The following IL9 variants were observed in gnomAD, a reference collection of about 807,000 sequenced individuals.
IL9 encodes the protein interleukin 9.
A neutral mutation model predicts 12.9 loss-of-function variants in IL9; 16 were observed. The ratio of observed to expected loss-of-function variants is 1.24; its 90% CI spans 0.84 to 1.88. The LOEUF (loss-of-function observed/expected upper bound fraction) is 1.88, where lower values mean the gene tolerates loss of function less well. Ranked by LOEUF, IL9 falls within the 40% of genes most tolerant of loss-of-function variation. The probability of loss-of-function intolerance (pLI) is 0.00; values close to 1 mark genes in which losing one functional copy is unlikely to be tolerated. For synonymous variants in IL9, 69 were observed against 63.8 expected (o/e 1.08, Z -0.39); for missense variants, 170 against 173.1 (o/e 0.98, Z 0.10).
rs148950143 is a variant in IL9 at position 135,893,627 on chromosome 5, C to T, written c.315+393G>A. Among the ~76,000 whole-genome samples, 599 of 152,132 alleles carry T rather than the reference C, an allele frequency of 3.9e-3. 8 individuals are homozygous for T. Among genetic ancestry groups the T allele is most frequent in the Admixed American group, 7.6e-3 (117 of 15,298 alleles). On this transcript the variant is annotated intron_variant, in intron 4 of 4. Transcript: ENST00000274520. ...ACTCTGTCTCCAAAACAAAACAAAA[C>T]CTCCTTAACCAACAGGAAAAAAAAA... is the stretch of plus-strand genomic sequence containing the variant.
chr5:135,892,765 CA>C, intron 4 of IL9, among the ~76,000 whole-genome samples: 1 of 138,596 alleles, frequency 7.2e-6, no homozygotes, highest in African/African-American at 2.6e-5. Context: ...CACACACACA[CA>C]CACACACACA....
Position 135,895,685 on chromosome 5 carries a change from G to T in IL9, c.114+18C>A. 6.2e-7 allele frequency: 1 copy of T among 1,606,668 alleles called. No individual in the cohort carries two copies. The highest frequency in any genetic ancestry group is 8.5e-7 in the Non-Finnish European group (1 of 1,173,222). The stretch of plus-strand genomic sequence containing the variant: ...TTGTCAGTAGCTGTCTTTCCCATGG[G>T]CTCCCCCTGCAGCCTACCTGCATCT... On this transcript the variant is annotated intron_variant, in intron 1 of 4. Coordinates refer to ENST00000274520, the MANE Select transcript of IL9 (RefSeq NM_000590.2).
chr5:135,892,644 C>T, intron 4 of IL9, 134 bp from the exon 5 acceptor site: 2 of 940,364 alleles, frequency 2.1e-6, no homozygotes, highest in Non-Finnish European at 3.1e-6. Context: ...GCTTGAGACA[C>T]AGAGCAAATA....
intron 3 of IL9, 54 bp downstream of exon 3, chr5:135,895,386 A>G (rs2126855898): frequency 2.0e-6 from 3 of 1,485,378 alleles, no homozygotes; most frequent in Non-Finnish European, 2.8e-6. Context: ...ATTTTTACTT[A>G]AAAACAAACC....
Position 135,895,799 on chromosome 5 carries a change from G to T in IL9, c.18C>A (p.Val6=). 2 of 1,613,494 alleles carry T rather than the reference G, an allele frequency of 1.2e-6. No individual in the cohort carries two copies. Among genetic ancestry groups the T allele is most frequent in the South Asian group, 2.2e-5 (2 of 90,972 alleles). Residue 6 remains valine (V), a synonymous_variant, in exon 1 of 5, where the codon GTC becomes GTA. Transcript: ENST00000274520. ...AGCACAGGAGCAGGGCAGAGGTAAGGACCATGGCCAGAAGCATCTTGACAG... is the reference window on the plus strand; with the variant it reads ...AGCACAGGAGCAGGGCAGAGGTAAGTACCATGGCCAGAAGCATCTTGACAG... MLLAM[V]LTSALLLCSV...
rs1313214939 is a variant in IL9 at position 135,895,433 on chromosome 5, T to C, written c.183+7A>G. 1.2e-6 allele frequency: 2 copies of C among 1,611,464 alleles called. No individual in the cohort carries two copies. The highest frequency in any genetic ancestry group is 4.5e-5 in the East Asian group (2 of 44,876). Reference sequence around the variant, plus strand: ...AGGTCAACATTATGTTATTTCACTATACTTACAGAGGGAATGCCCAAACAG... The same window carrying C: ...AGGTCAACATTATGTTATTTCACTACACTTACAGAGGGAATGCCCAAACAG... On this transcript the variant is annotated splice_region_variant and intron_variant, in intron 3 of 4. Transcript: ENST00000274520.
At chr5:135,894,283 G>T (rs1762913765) in intron 3 of IL9, 132 bp from the exon 4 acceptor site, 4 of 866,842 alleles carry the variant, frequency 4.6e-6, no homozygotes, top group African/African-American at 1.7e-5. Context: ...TTTTAGACAG[G>T]TCCCTTGCCA....
At chr5:135,894,253 A>G (rs1448543450) in intron 3 of IL9, 102 bp from the exon 4 acceptor site, 1 of 1,158,464 alleles carries the variant, frequency 8.6e-7, no homozygotes, top group Non-Finnish European at 1.2e-6. Context: ...TTTAATCACC[A>G]TTACTCAAAC....
intron 4 of IL9, 59 bp downstream of exon 4, chr5:135,893,961 C>T: frequency 2.1e-6 from 3 of 1,457,426 alleles, no homozygotes; most frequent in Non-Finnish European, 9.4e-7. Flanking sequence ...ACAGGGTTGG[C>T]ATCACCATTC....
rs1762925039 is a variant in IL9, at chr5:135,895,292, A to C, written c.183+148T>G. 9 of 630,404 alleles carry C rather than the reference A, an allele frequency of 1.4e-5. No individual in the cohort carries two copies. The South Asian group carries it at 1.9e-4, about 13-fold the overall frequency. 39.1% of individuals were successfully genotyped at this position (630,404 alleles called of 1,614,324 possible). ...GTTTTAAAAGGGAATAATTTGTAAC[A>C]ATGTGGTTTTAACAGGGAATACTAA... On this transcript the variant is annotated intron_variant, in intron 3 of 4. Coordinates refer to ENST00000274520, the MANE Select transcript of IL9 (RefSeq NM_000590.2).
At chr5:135,894,447 C>T (rs1239467436) in intron 3 of IL9, among the ~76,000 whole-genome samples, 4 of 152,160 alleles carry the variant, frequency 2.6e-5, no homozygotes, top group South Asian at 2.1e-4. Flanking sequence ...GGGTGCTTCC[C>T]GGCTTCAAGG....
intron 4 of IL9, among the ~76,000 whole-genome samples, chr5:135,892,840 G>C (rs1345515311): frequency 6.6e-6 from 1 of 151,752 alleles, no homozygotes; most frequent in East Asian, 1.9e-4. Flanking sequence ...ACTCTTTGAG[G>C]CCTAAAATTG....
In IL9 at chr5:135,894,160, TAGTA is replaced by T. The variant is rs1386658962; in HGVS notation, c.184-13_184-10del. The T allele has an allele frequency of 3.7e-6, 6 of 1,610,356 alleles. No individual in the cohort carries two copies. Among genetic ancestry groups the T allele is most frequent in the African/African-American group, 1.3e-5 (1 of 74,948 alleles). ...GGTCTGGTGCAGTTGTCCTGGTAAA[TAGTA>T]AGGATTTATTCAAAGAAATATTCTG... On this transcript the variant is annotated splice_polypyrimidine_tract_variant and intron_variant, in intron 3 of 4. Transcript: ENST00000274520.
intron 4 of IL9, among the ~76,000 whole-genome samples, chr5:135,893,471 G>A (rs561551255): frequency 6.6e-6 from 1 of 152,198 alleles, no homozygotes; most frequent in Non-Finnish European, 1.5e-5. Flanking sequence ...AATTAGCCAG[G>A]CATGGTGGCA....
Position 135,894,035 on chromosome 5 carries a change from C to T in IL9, c.300G>A (p.Lys100=). The change falls in exon 4 of 5, where the codon AAG becomes AAA. Residue 100 remains lysine, a synonymous_variant. Coordinates refer to ENST00000274520, the MANE Select transcript of IL9 (RefSeq NM_000590.2). ...SRVKKSVEVL[K]NNKCPYFSCE... is the part of the protein sequence containing the mutation. ...ACAAACTTACTGGACACTTGTTGTT[C>T]TTTAGTACTTCAACTGATTTTTTCA... 1.2e-6 allele frequency: 2 copies of T among 1,612,230 alleles called. No individual in the cohort carries two copies. The highest frequency in any genetic ancestry group is 1.7e-6 in the Non-Finnish European group (2 of 1,179,642).
At chr5:135,894,553 A>G (rs56323116) in intron 3 of IL9, among the ~76,000 whole-genome samples, 2 of 152,208 alleles carry the variant, frequency 1.3e-5, no homozygotes, top group Non-Finnish European at 2.9e-5. Flanking sequence ...GCAGCAGCTA[A>G]AAACATGGAC....
At chr5:135,894,266 G>T in intron 3 of IL9, 115 bp from the exon 4 acceptor site, 2 of 1,064,610 alleles carry the variant, frequency 1.9e-6, no homozygotes, top group Non-Finnish European at 2.7e-6. Context: ...ACTCAAACTT[G>T]CATTATTTTT....
chr5:135,892,484 G>A lies in IL9; in HGVS notation c.342C>T (p.Asn114=). ...CPYFSCEQPC[N]QTTAGNALTF... The stretch of plus-strand genomic sequence containing the variant: ...TCAGCGCGTTGCCTGCCGTGGTTTG[G>A]TTGCATGGCTGTTCACAGGAAAAAT... The change falls in exon 5 of 5, where the codon AAC becomes AAT. Residue 114 remains asparagine, a synonymous_variant. Transcript: ENST00000274520. 1 of 1,612,874 alleles carries A rather than the reference G, an allele frequency of 6.2e-7. No individual in the cohort carries two copies. The highest frequency in any genetic ancestry group is 8.5e-7 in the Non-Finnish European group (1 of 1,179,622).
intron 3 of IL9, 145 bp from the exon 4 acceptor site, chr5:135,894,296 G>A: frequency 2.6e-6 from 2 of 770,976 alleles, no homozygotes; most frequent in Non-Finnish European, 4.0e-6. Flanking sequence ...CCTTGCCAAT[G>A]TAGGAAGTGA....
Sources: allele counts gnomAD v4.1 joint callset (sites outside exome capture counted in the v4.1 genomes callset), GRCh38; gene constraint gnomAD v4.1.1; transcripts MANE v1.5; gene names NCBI Gene and HGNC (gene_info 2026-07-23, HGNC 2026-07-21).